Variants in CHMP1A observed in about 807,000 individuals in gnomAD.
The protein encoded by CHMP1A is charged multivesicular body protein 1A.
In CHMP1A, 17 loss-of-function variants were observed where a neutral mutation model predicts 27.0. The observed-to-expected ratio is 0.63, with a 90% confidence interval of 0.43 to 0.95. The LOEUF (loss-of-function observed/expected upper bound fraction) is 0.95, where lower values mean the gene tolerates loss of function less well. CHMP1A is among the 40% of genes least tolerant of loss of function. CHMP1A has a pLI of 0.00. For synonymous variants in CHMP1A, 131 were observed against 107.5 expected (o/e 1.22, Z -1.35); for missense variants, 275 against 264.0 (o/e 1.04, Z -0.29).
intron 2 of CHMP1A, among the ~76,000 whole-genome samples, chr16:89,653,102 C>G (rs905857826): frequency 1.4e-4 from 20 of 139,442 alleles, no homozygotes; most frequent in African/African-American, 5.3e-4. Flanking sequence ...ACTGCAAGCT[C>G]TGCCTCCCAG....
intron 2 of CHMP1A, among the ~76,000 whole-genome samples, chr16:89,653,002 CTTTTTTTTTTTTCTTTTCT>C (rs2059836879): frequency 7.5e-6 from 1 of 132,626 alleles, no homozygotes; most frequent in African/African-American, 2.8e-5. Flanking sequence ...CCCAAGTTGT[CTTTTTTTTTTTTCTTTTCT>C]TTTTTTTTTT....
chr16:89,655,451 T>C (rs2059857802), intron 1 of CHMP1A, among the ~76,000 whole-genome samples: 20 of 143,514 alleles, frequency 1.4e-4, no homozygotes, highest in South Asian at 2.2e-4. Flanking sequence ...ACCTCAGCTT[T>C]CCTCACCTCA....
Position 89,651,665 on chromosome 16 carries a change from G to A in CHMP1A, c.28-19C>T, listed in dbSNP as rs2059825328. Reference sequence around the variant, plus strand: ...CCGTGAACTGAGCGGAAGCCGGAATGTCCTGGGTCAGACATGCGGAGCCCA... The same window carrying A: ...CCGTGAACTGAGCGGAAGCCGGAATATCCTGGGTCAGACATGCGGAGCCCA... On this transcript the variant is annotated intron_variant, in intron 2 of 6. Transcript: ENST00000397901. The A allele has an allele frequency of 4.3e-6, 7 of 1,612,902 alleles. No homozygotes were observed. Among genetic ancestry groups the A allele is most frequent in the Middle Eastern group, 1.7e-4 (1 of 6,032 alleles).
At chr16:89,656,668 C>A (rs958456582) in intron 1 of CHMP1A, among the ~76,000 whole-genome samples, 9 of 152,228 alleles carry the variant, frequency 5.9e-5, no homozygotes, top group South Asian at 2.1e-4. Flanking sequence ...ACGCAAAGAG[C>A]TGCTGTGACC....
chr16:89,646,884 G>GGGCCCCCCCCCCCCC, intron 5 of CHMP1A, 170 bp from the exon 6 acceptor site: 1 of 709,058 alleles, frequency 1.4e-6, no homozygotes, highest in Non-Finnish European at 2.4e-6. Context: ...AGCCTTTCCT[G>GGGCCCCCCCCCCCCC]CCCCCCCACC....
chr16:89,646,640 C>A lies in CHMP1A; in HGVS notation c.456G>T (p.Gln152His), dbSNP rs766796300. The A allele has an allele frequency of 6.2e-7, 1 of 1,610,518 alleles. No individual in the cohort carries two copies. Residue 152 changes from glutamine (Q) to histidine (H), a missense_variant, in exon 6 of 7, where the codon CAG becomes CAT. Coordinates refer to ENST00000397901, the MANE Select transcript of CHMP1A (RefSeq NM_002768.5). Reference sequence around the variant, plus strand: ...CCTCCAGGCCATTCTCCTCGGCGATCTGCATGATGAGGCTGTCCACCTGCT... The same window carrying A: ...CCTCCAGGCCATTCTCCTCGGCGATATGCATGATGAGGCTGTCCACCTGCT... ...PQEQVDSLIM[Q>H]IAEENGLEVL... is the part of the protein sequence containing the mutation.
At chr16:89,649,653 G>A (rs1043231297) in intron 3 of CHMP1A, 156 bp from the exon 4 acceptor site, 311 of 808,780 alleles carry the variant, frequency 3.8e-4, no homozygotes, top group Middle Eastern at 9.6e-4. Context: ...TCGACTCAAC[G>A]CAAGCTCCGC....
At chr16:89,657,438 G>A (rs2059893104) in intron 1 of CHMP1A, 144 bp downstream of exon 1, 1 of 970,278 alleles carries the variant, frequency 1.0e-6, no homozygotes, top group East Asian at 3.1e-5. Flanking sequence ...CGAGGCCCTG[G>A]GGATGGGGTC....
chr16:89,649,467 G>C lies in CHMP1A; in HGVS notation c.136C>G (p.Arg46Gly), dbSNP rs201409761. 2 of 1,613,712 alleles carry C rather than the reference G, an allele frequency of 1.2e-6. No homozygotes were observed. Residue 46 changes from arginine (R) to glycine (G), a missense_variant, in exon 4 of 7, where the codon CGT becomes GGT. Transcript: ENST00000397901. Reference protein sequence around the residue: ...ALLQKNVECARVYAENAIRKK... With the variant: ...ALLQKNVECAGVYAENAIRKK... ...CGGATGGCGTTCTCGGCATACACAC[G>C]GGCACACTCTACATTTTTCTGCAGA...
chr16:89,650,811 AAAAAGATAGGATCGTGGCAGAC>A (rs1326190278), intron 3 of CHMP1A, among the ~76,000 whole-genome samples: 1 of 151,812 alleles, frequency 6.6e-6, no homozygotes, highest in East Asian at 1.9e-4. Flanking sequence ...CTCAAAAAAA[AAAAAGATAGGATCGTGGCAGAC>A]AGCTAGCTAG....
chr16:89,648,689 G>C (rs1439691634), intron 4 of CHMP1A, among the ~76,000 whole-genome samples: 1 of 151,908 alleles, frequency 6.6e-6, no homozygotes, highest in Admixed American at 6.6e-5. Flanking sequence ...CCAGGAGTTT[G>C]AGACCAGAGC....
chr16:89,648,527 C>T (rs920788013), intron 4 of CHMP1A, among the ~76,000 whole-genome samples: 2 of 152,198 alleles, frequency 1.3e-5, no homozygotes, highest in East Asian at 3.9e-4. Flanking sequence ...TCTGCTGTGA[C>T]GTCCCTGACC....
At position 89,651,666 on chromosome 16, in the gene CHMP1A, TC is replaced by T. The variant is rs2059825364; in HGVS notation, c.28-21del. The T allele has an allele frequency of 6.2e-7, 1 of 1,612,800 alleles. No homozygotes were observed. The highest frequency in any genetic ancestry group is 8.5e-7 in the Non-Finnish European group (1 of 1,179,606). The stretch of plus-strand genomic sequence containing the variant: ...CGTGAACTGAGCGGAAGCCGGAATG[TC>T]CTGGGTCAGACATGCGGAGCCCATC... On this transcript the variant is annotated intron_variant, in intron 2 of 6. Transcript: ENST00000397901.
intron 5 of CHMP1A, 170 bp from the exon 6 acceptor site, chr16:89,646,884 G>GTCCCC: frequency 1.4e-6 from 1 of 709,060 alleles, no homozygotes; most frequent in South Asian, 1.7e-5. Context: ...AGCCTTTCCT[G>GTCCCC]CCCCCCCACC....
In CHMP1A at chr16:89,645,983, A is replaced by G. The variant is rs757693176; in HGVS notation, c.*83T>C. The G allele has an allele frequency of 6.8e-6, 11 of 1,612,540 alleles. No homozygotes were observed. Among genetic ancestry groups the G allele is most frequent in the Non-Finnish European group, 9.3e-6 (11 of 1,179,544 alleles). On this transcript the variant is annotated 3_prime_UTR_variant, in exon 7 of 7. Coordinates refer to ENST00000397901, the MANE Select transcript of CHMP1A (RefSeq NM_002768.5). Reference sequence around the variant, plus strand: ...CCGGCCGCAGCCCCGCGGGGTCAGCACAAAGGCAAGACGCGGTGGGGAGAG... The same window carrying G: ...CCGGCCGCAGCCCCGCGGGGTCAGCGCAAAGGCAAGACGCGGTGGGGAGAG...
At chr16:89,655,185 T>C (rs2059854788) in intron 1 of CHMP1A, among the ~76,000 whole-genome samples, 2 of 152,122 alleles carry the variant, frequency 1.3e-5, no homozygotes, top group African/African-American at 4.8e-5. Context: ...ATCTATCGCC[T>C]GTCAGTGCAG....
At chr16:89,656,437 C>CT (rs1362105148) in intron 1 of CHMP1A, among the ~76,000 whole-genome samples, 1 of 152,206 alleles carries the variant, frequency 6.6e-6, no homozygotes, top group Non-Finnish European at 1.5e-5. Context: ...GCGCCCAGCC[C>CT]TTCAAAAAGT....
chr16:89,655,159 C>T (rs977437857), intron 1 of CHMP1A, among the ~76,000 whole-genome samples: 2 of 152,060 alleles, frequency 1.3e-5, no homozygotes, highest in African/African-American at 4.8e-5. Context: ...TTCCAGAAAG[C>T]TCTGGGCATC....
At chr16:89,657,345 G>A (rs1456103027) in intron 1 of CHMP1A, among the ~76,000 whole-genome samples, 1 of 147,780 alleles carries the variant, frequency 6.8e-6, no homozygotes, top group Non-Finnish European at 1.5e-5. Context: ...GGGGTCCCAG[G>A]TCGGTGGTCG....
Sources: allele counts gnomAD v4.1 joint callset (sites outside exome capture counted in the v4.1 genomes callset), GRCh38; gene constraint gnomAD v4.1.1; transcripts MANE v1.5; gene names NCBI Gene and HGNC (gene_info 2026-07-23, HGNC 2026-07-21).